MGAT4C: variants seen among roughly 807,000 people sequenced by gnomAD.
The protein encoded by MGAT4C is MGAT4 family member C.
In MGAT4C, 19 loss-of-function variants were observed where a neutral mutation model predicts 40.1. The observed-to-expected ratio is 0.47, with a 90% confidence interval of 0.33 to 0.70. The LOEUF (loss-of-function observed/expected upper bound fraction) is 0.70, where lower values mean the gene tolerates loss of function less well. Among genes scored for constraint, MGAT4C ranks in the 30% least tolerant of loss-of-function variants. The pLI, the probability that MGAT4C is intolerant of heterozygous loss-of-function variation, is 0.02. For missense variants in MGAT4C, 491 were observed against 563.2 expected, an observed-to-expected ratio of 0.87 and a Z score of 1.30; for synonymous variants, 181 against 187.1, an observed-to-expected ratio of 0.97 and a Z score of 0.27.
intron 1 of MGAT4C, among the ~76,000 whole-genome samples, chr12:86,191,160 A>C (rs1889406125): frequency 6.6e-6 from 1 of 150,762 alleles, no homozygotes; most frequent in South Asian, 2.1e-4. Flanking sequence ...TTCTCTAAAG[A>C]ATGCTGAGTG....
intron 4 of MGAT4C, among the ~76,000 whole-genome samples, chr12:86,280,325 T>C (rs928627506): frequency 1.3e-5 from 2 of 151,984 alleles, no homozygotes; most frequent in African/African-American, 4.8e-5. Flanking sequence ...TTCTCCAGTG[T>C]TGGGTGCATA....
intron 1 of MGAT4C, among the ~76,000 whole-genome samples, chr12:86,230,646 A>T (rs966734009): frequency 6.6e-6 from 1 of 152,056 alleles, no homozygotes; most frequent in African/African-American, 2.4e-5. Context: ...TGCCAGTCTG[A>T]TCAGGAAAAG....
chr12:86,304,349 G>C (rs569818742), intron 4 of MGAT4C, among the ~76,000 whole-genome samples: 1 of 150,408 alleles, frequency 6.6e-6, no homozygotes, highest in Non-Finnish European at 1.5e-5. Context: ...GCATTTTTGT[G>C]AAAGAGCTTG....
intron 2 of MGAT4C, among the ~76,000 whole-genome samples, chr12:86,496,866 C>G (rs1188555188): frequency 6.6e-6 from 1 of 151,844 alleles, no homozygotes; most frequent in Non-Finnish European, 1.5e-5. Context: ...GTAGTTCATA[C>G]TAGAAAATGT....
intron 2 of MGAT4C, among the ~76,000 whole-genome samples, chr12:86,502,016 T>C (rs560062734): frequency 7.2e-5 from 11 of 152,090 alleles, no homozygotes; most frequent in Non-Finnish European, 1.3e-4. Context: ...GATTGACAAA[T>C]TGGAAACCTT....
chr12:86,210,922 T>C (rs1950434263), intron 1 of MGAT4C, among the ~76,000 whole-genome samples: 1 of 152,086 alleles, frequency 6.6e-6, no homozygotes, highest in African/African-American at 2.4e-5. Flanking sequence ...GACTTCACCT[T>C]GCTATCAGTT....
chr12:86,512,472 T>C (rs1958605674), intron 2 of MGAT4C, among the ~76,000 whole-genome samples: 2 of 152,128 alleles, frequency 1.3e-5, no homozygotes, highest in African/African-American at 4.8e-5. Context: ...GCACTTCTAT[T>C]CTATCTATGA....
At chr12:86,709,820 G>GT (rs1463918717) in intron 2 of MGAT4C, among the ~76,000 whole-genome samples, 5 of 151,980 alleles carry the variant, frequency 3.3e-5, no homozygotes, top group Non-Finnish European at 7.4e-5. Context: ...TAGTTTTCTT[G>GT]TTTTTTAGAT....
rs546949062 is a variant in MGAT4C, at chr12:86,300,596, CACT to C, written c.-57+33466_-57+33468del. ...GATTGTTTTAACCAAGAAGTGATAG[CACT>C]ACTAAGCAGCTTCAAGTTACATATA... On this transcript the variant is annotated intron_variant, in intron 4 of 7. Transcript: ENST00000548651. Among the ~76,000 whole-genome samples the C allele has an allele frequency of 8.5e-4, 129 of 152,204 alleles. 1 individual carries two copies. The highest frequency in any genetic ancestry group is 3.4e-3 in the Middle Eastern group (1 of 292).
At chr12:86,296,940 G>C (rs1219627485) in intron 4 of MGAT4C, among the ~76,000 whole-genome samples, 1 of 152,254 alleles carries the variant, frequency 6.6e-6, no homozygotes, top group African/African-American at 2.4e-5. Flanking sequence ...AGGACTGCCA[G>C]CACGCTGTCA....
intron 2 of MGAT4C, among the ~76,000 whole-genome samples, chr12:86,024,411 C>G (rs532812684): frequency 6.6e-6 from 1 of 151,736 alleles, no homozygotes; most frequent in African/African-American, 2.4e-5. Flanking sequence ...AGCAAAAATT[C>G]TGGAAGGGAC....
At chr12:86,197,431 G>A (rs966997923) in intron 1 of MGAT4C, among the ~76,000 whole-genome samples, 1 of 152,014 alleles carries the variant, frequency 6.6e-6, no homozygotes, top group Non-Finnish European at 1.5e-5. Flanking sequence ...TGGGATCTTT[G>A]GGAGGCAATT....
At chr12:86,401,261 TGTGTGTGTGTGTGTGTGTGTATGTGG>T (rs1956356883) in intron 3 of MGAT4C, among the ~76,000 whole-genome samples, 1 of 17,338 alleles carries the variant, frequency 5.8e-5, no homozygotes, top group Non-Finnish European at 1.7e-4. Context: ...CATATATATA[TGTGTGTGTGTGTGTGTGTGTATGTGG>T]GTGTGTGTGT....
intron 2 of MGAT4C, among the ~76,000 whole-genome samples, chr12:86,657,803 T>G (rs1009978160): frequency 6.6e-6 from 1 of 151,908 alleles, no homozygotes; most frequent in Non-Finnish European, 1.5e-5. Flanking sequence ...CAAATTAAAA[T>G]ACAGTGAAAT....
At chr12:86,518,617 C>T (rs1420157411) in intron 2 of MGAT4C, among the ~76,000 whole-genome samples, 1 of 152,172 alleles carries the variant, frequency 6.6e-6, no homozygotes, top group Non-Finnish European at 1.5e-5. Flanking sequence ...CTCTGGCAAA[C>T]AGTTTGGGAG....
intron 1 of MGAT4C, among the ~76,000 whole-genome samples, chr12:86,097,323 A>C (rs182379332): frequency 1.8e-3 from 278 of 151,806 alleles, no homozygotes; most frequent in African/African-American, 6.4e-3. Context: ...GTAGAAAATA[A>C]TTTGGCTTGA....
intron 1 of MGAT4C, among the ~76,000 whole-genome samples, chr12:86,768,324 C>T (rs1039029237): frequency 6.6e-6 from 1 of 152,022 alleles, no homozygotes; most frequent in Non-Finnish European, 1.5e-5. Flanking sequence ...TGTGAAGGAC[C>T]TCTTCAAGGA....
At chr12:86,732,412 A>G (rs546395845) in intron 1 of MGAT4C, among the ~76,000 whole-genome samples, 1 of 152,188 alleles carries the variant, frequency 6.6e-6, no homozygotes, top group Admixed American at 6.6e-5. Flanking sequence ...TGTAATACAT[A>G]ATGAAATAAT....
At chr12:86,545,038 G>A (rs1298686470) in intron 2 of MGAT4C, among the ~76,000 whole-genome samples, 1 of 151,972 alleles carries the variant, frequency 6.6e-6, no homozygotes, top group African/African-American at 2.4e-5. Context: ...TCCAAAGTGT[G>A]CCTTGAACTC....
Sources: gnomAD v4.1 joint callset for allele counts (sites outside exome capture counted in the v4.1 genomes callset) on GRCh38, gnomAD v4.1.1 for gene constraint, MANE v1.5 for transcripts, NCBI Gene and HGNC (gene_info 2026-07-23, HGNC 2026-07-21) for gene names.